Variants in RALYL observed in about 807,000 individuals in gnomAD.
RALYL encodes the protein RNA-binding Raly-like protein.
In RALYL, 29 loss-of-function variants were observed where a neutral mutation model predicts 35.1. The observed-to-expected ratio is 0.83, with a 90% confidence interval of 0.61 to 1.13. RALYL has a LOEUF of 1.13. Ranked by LOEUF, RALYL falls within the 50% of genes most tolerant of loss-of-function variation. The pLI is 0.00. For synonymous variants in RALYL, 120 were observed against 127.6 expected, an observed-to-expected ratio of 0.94 and a Z score of 0.40; for missense variants, 359 against 360.4, an observed-to-expected ratio of 1.00 and a Z score of 0.03.
chr8:84,407,236 C>T (rs2043630199), intron 1 of RALYL, among the ~76,000 whole-genome samples: 1 of 152,042 alleles, frequency 6.6e-6, no homozygotes, highest in Non-Finnish European at 1.5e-5. Flanking sequence ...CAAAAGAGTG[C>T]CTGGCAAATG....
chr8:84,564,801 T>C (rs1046009662), intron 2 of RALYL, among the ~76,000 whole-genome samples: 2 of 151,588 alleles, frequency 1.3e-5, no homozygotes, highest in Non-Finnish European at 3.0e-5. Flanking sequence ...TTACCTTACT[T>C]AGCAATAATT....
intron 1 of RALYL, among the ~76,000 whole-genome samples, chr8:84,519,740 A>G (rs1013516322): frequency 6.6e-6 from 1 of 152,258 alleles, no homozygotes; most frequent in Non-Finnish European, 1.5e-5. Context: ...TACAACAGGC[A>G]CTAAAACAAG....
Position 84,350,763 on chromosome 8 carries a change from T to C in RALYL, c.-24+166339T>C, listed in dbSNP as rs1223758143. Among the ~76,000 whole-genome samples, 6 of 150,256 alleles carry C rather than the reference T, an allele frequency of 4.0e-5. 1 individual carries two copies. The highest frequency in any genetic ancestry group is 8.9e-5 in the Non-Finnish European group (6 of 67,698). ...TTGGCTAAGAGTAATTAGGGGCAAGTAGTTTTATGTAGACTAAAATACTAT... is the reference window on the plus strand; with the variant it reads ...TTGGCTAAGAGTAATTAGGGGCAAGCAGTTTTATGTAGACTAAAATACTAT... On this transcript the variant is annotated intron_variant, in intron 1 of 8. Transcript: ENST00000521268.
At chr8:84,304,732 G>A (rs1318339752) in intron 1 of RALYL, among the ~76,000 whole-genome samples, 1 of 152,046 alleles carries the variant, frequency 6.6e-6, no homozygotes, top group Non-Finnish European at 1.5e-5. Context: ...TTGCTGTCAT[G>A]CTTTTTCTTA....
chr8:84,406,722 C>A (rs939358540), intron 1 of RALYL, among the ~76,000 whole-genome samples: 6 of 151,974 alleles, frequency 3.9e-5, no homozygotes, highest in Admixed American at 2.0e-4. Context: ...GAGTCTAAGG[C>A]ATGTTGAAAT....
In RALYL at chr8:84,396,268, C is replaced by T. The variant is rs200867767; in HGVS notation, c.-23-133031C>T. Among the ~76,000 whole-genome samples the T allele has an allele frequency of 2.0e-5, 3 of 151,912 alleles. No individual in the cohort carries two copies. The East Asian group carries it at 5.8e-4, about 29-fold the overall frequency. ...AAGTTTTACCTTCCCATGATGGGCT[C>T]ATTTTGTTAAGGATTTCTTTAAAAA... On this transcript the variant is annotated intron_variant, in intron 1 of 8. Transcript: ENST00000521268.
At chr8:84,357,647 C>T (rs1399632236) in intron 1 of RALYL, among the ~76,000 whole-genome samples, 1 of 151,398 alleles carries the variant, frequency 6.6e-6, no homozygotes, top group Non-Finnish European at 1.5e-5. Context: ...AGAAAAGTAC[C>T]TCATCATTTT....
chr8:84,621,168 G>A lies in RALYL; in HGVS notation c.256+91591G>A, dbSNP rs186806024. 1.2e-3 allele frequency among the ~76,000 whole-genome samples: 180 copies of A among 152,306 alleles called. 1 individual carries two copies. The highest frequency in any genetic ancestry group is 4.2e-3 in the African/African-American group (174 of 41,588). ...GTTTACCTAAGCACGCCTGGGCAAT[G>A]GTGGGTGCCCCTCCCCCAGCCTTGC... On this transcript the variant is annotated intron_variant, in intron 2 of 8. Transcript: ENST00000521268.
At chr8:84,373,019 C>CT (rs1856219569) in intron 1 of RALYL, among the ~76,000 whole-genome samples, 3 of 147,026 alleles carry the variant, frequency 2.0e-5, no homozygotes, top group African/African-American at 7.5e-5. Flanking sequence ...TTTTCATATG[C>CT]TTGTTAGCCT....
At chr8:84,625,445 C>CT (rs762973507) in intron 2 of RALYL, among the ~76,000 whole-genome samples, 28 of 152,156 alleles carry the variant, frequency 1.8e-4, no homozygotes, top group Non-Finnish European at 3.4e-4. Context: ...AGTAAAAACA[C>CT]TGTGAAGCAC....
At chr8:84,413,550 GA>G (rs1456381843) in intron 1 of RALYL, among the ~76,000 whole-genome samples, 6 of 151,898 alleles carry the variant, frequency 4.0e-5, no homozygotes, top group African/African-American at 7.2e-5. Flanking sequence ...TTTTGCATAT[GA>G]AAAAAATTAT....
intron 4 of RALYL, among the ~76,000 whole-genome samples, chr8:84,835,932 A>G (rs1012132276): frequency 6.6e-6 from 1 of 152,132 alleles, no homozygotes; most frequent in African/African-American, 2.4e-5. Flanking sequence ...AATTGAATGA[A>G]TAGTGAAAGA....
At chr8:84,684,233 A>G (rs1290117661) in intron 2 of RALYL, among the ~76,000 whole-genome samples, 6 of 152,208 alleles carry the variant, frequency 3.9e-5, no homozygotes, top group Admixed American at 1.3e-4. Context: ...TTATAAAATA[A>G]TAATAGTAAT....
chr8:84,730,302 G>T (rs1460342435), intron 2 of RALYL, among the ~76,000 whole-genome samples: 1 of 152,118 alleles, frequency 6.6e-6, no homozygotes, highest in African/African-American at 2.4e-5. Context: ...TATCTCAACA[G>T]ATGCAGAAAA....
rs573793223 is a variant in RALYL, at chr8:84,405,939, C to A, written c.-23-123360C>A. Reference sequence around the variant, plus strand: ...GGTTCACGCCATTCGCCTGCCTCAGCCTCCCAATATTTTCATTCTTAATGG... The same window carrying A: ...GGTTCACGCCATTCGCCTGCCTCAGACTCCCAATATTTTCATTCTTAATGG... On this transcript the variant is annotated intron_variant, in intron 1 of 8. Transcript: ENST00000521268. Among the ~76,000 whole-genome samples the A allele has an allele frequency of 6.0e-4, 90 of 149,062 alleles. 4 individuals are homozygous for A. In the South Asian group the frequency reaches 0.017, roughly 28 times the overall value.
chr8:84,496,451 C>G (rs1175830764), intron 1 of RALYL, among the ~76,000 whole-genome samples: 2 of 152,000 alleles, frequency 1.3e-5, no homozygotes, highest in Non-Finnish European at 2.9e-5. Context: ...AGGATATTCC[C>G]CCTTGTAATT....
intron 1 of RALYL, among the ~76,000 whole-genome samples, chr8:84,333,863 G>A (rs968230991): frequency 2.6e-5 from 4 of 152,024 alleles, no homozygotes; most frequent in Non-Finnish European, 5.9e-5. Context: ...GGTGGGGGCA[G>A]CTTGAAAGAG....
chr8:84,237,879 T>C (rs774927928), intron 1 of RALYL, among the ~76,000 whole-genome samples: 3 of 151,684 alleles, frequency 2.0e-5, no homozygotes, highest in Non-Finnish European at 2.9e-5. Context: ...TAAGAGTTGA[T>C]AAAATCAGGA....
At chr8:84,599,425 T>A (rs1233418981) in intron 2 of RALYL, among the ~76,000 whole-genome samples, 1 of 152,024 alleles carries the variant, frequency 6.6e-6, no homozygotes, top group East Asian at 1.9e-4. Context: ...TTCAAGATAA[T>A]ACTTTGTATT....
Sources: gnomAD v4.1 joint callset for allele counts (sites outside exome capture counted in the v4.1 genomes callset) on GRCh38, gnomAD v4.1.1 for gene constraint, MANE v1.5 for transcripts, NCBI Gene and HGNC (gene_info 2026-07-23, HGNC 2026-07-21) for gene names.